Variants in ZNF385B observed in about 807,000 individuals in gnomAD.
ZNF385B encodes the protein zinc finger protein 533.
ZNF385B carries 23 observed loss-of-function variants against 39.2 expected under a neutral mutation model. That is an observed-to-expected ratio of 0.59 (90% CI 0.42 to 0.83). The LOEUF (loss-of-function observed/expected upper bound fraction) is 0.83, where lower values mean the gene tolerates loss of function less well. Ranked by LOEUF, ZNF385B falls within the 40% of genes least tolerant of loss-of-function variation. ZNF385B has a pLI of 0.00. For missense variants in ZNF385B, 552 were observed against 598.9 expected (o/e 0.92, Z 0.82); for synonymous variants, 205 against 222.6 (o/e 0.92, Z 0.70).
intron 3 of ZNF385B, among the ~76,000 whole-genome samples, chr2:179,597,742 T>C (rs907617941): frequency 2.6e-5 from 4 of 152,360 alleles, no homozygotes; most frequent in Middle Eastern, 3.4e-3. Context: ...ATATGAAATA[T>C]ATATTATGTT....
intron 3 of ZNF385B, among the ~76,000 whole-genome samples, chr2:179,703,050 GGAA>G (rs1232906529): frequency 1.3e-5 from 2 of 152,226 alleles, no homozygotes; most frequent in Non-Finnish European, 2.9e-5. Context: ...ACAGTAGCCA[GGAA>G]GATTCTGTTA....
intron 3 of ZNF385B, among the ~76,000 whole-genome samples, chr2:179,725,448 AAT>A (rs1011620395): frequency 2.0e-5 from 3 of 151,768 alleles, no homozygotes; most frequent in Non-Finnish European, 2.9e-5. Context: ...TATATTTATG[AAT>A]ATATATATAC....
At chr2:179,506,942 T>C (rs2057296827) in intron 5 of ZNF385B, among the ~76,000 whole-genome samples, 1 of 152,130 alleles carries the variant, frequency 6.6e-6, no homozygotes. Flanking sequence ...AGTTGAATCA[T>C]ATTCTCAGCC....
intron 3 of ZNF385B, among the ~76,000 whole-genome samples, chr2:179,686,339 G>C (rs1425815989): frequency 6.6e-6 from 1 of 152,156 alleles, no homozygotes; most frequent in Non-Finnish European, 1.5e-5. Context: ...TGAGCTTCTG[G>C]AGCACTCCAT....
chr2:179,806,461 C>G (rs1418755262), intron 1 of ZNF385B, among the ~76,000 whole-genome samples: 1 of 152,158 alleles, frequency 6.6e-6, no homozygotes, highest in African/African-American at 2.4e-5. Flanking sequence ...GAAGCCTAGG[C>G]TCCCCCAGTC....
At chr2:179,717,265 T>C (rs528372456) in intron 3 of ZNF385B, among the ~76,000 whole-genome samples, 1 of 152,306 alleles carries the variant, frequency 6.6e-6, no homozygotes, top group South Asian at 2.1e-4. Flanking sequence ...GGTAACAAAG[T>C]CAAACAAATA....
chr2:179,444,674 T>C (rs2049288727), intron 9 of ZNF385B, among the ~76,000 whole-genome samples: 1 of 152,202 alleles, frequency 6.6e-6, no homozygotes, highest in East Asian at 1.9e-4. Flanking sequence ...ATATTAGCTC[T>C]TAAAGAGGTT....
At chr2:179,492,324 A>C (rs993492759) in intron 5 of ZNF385B, among the ~76,000 whole-genome samples, 13 of 152,198 alleles carry the variant, frequency 8.5e-5, no homozygotes, top group Non-Finnish European at 2.9e-5. Context: ...ATGATAAGTA[A>C]TGCAATATAA....
intron 3 of ZNF385B, among the ~76,000 whole-genome samples, chr2:179,578,992 C>T (rs1448251803): frequency 6.6e-6 from 1 of 151,964 alleles, no homozygotes; most frequent in Non-Finnish European, 1.5e-5. Context: ...GAATGATGTG[C>T]AAAACAAATT....
intron 1 of ZNF385B, among the ~76,000 whole-genome samples, chr2:179,801,837 G>A (rs1255034639): frequency 6.6e-6 from 1 of 152,118 alleles, no homozygotes; most frequent in African/African-American, 2.4e-5. Flanking sequence ...ATTACAGAAT[G>A]TCTGACAGAA....
chr2:179,604,067 T>C (rs1688612763), intron 3 of ZNF385B, among the ~76,000 whole-genome samples: 1 of 152,182 alleles, frequency 6.6e-6, no homozygotes, highest in South Asian at 2.1e-4. Flanking sequence ...CTACTGCAGA[T>C]AATTTATTGG....
At chr2:179,735,875 A>C (rs1256066812) in intron 3 of ZNF385B, among the ~76,000 whole-genome samples, 1 of 114,242 alleles carries the variant, frequency 8.8e-6, no homozygotes, top group African/African-American at 3.4e-5. Context: ...CACTCTGGGG[A>C]CTGTTGTGGG....
At chr2:179,619,109 A>T (rs2106156435) in intron 3 of ZNF385B, among the ~76,000 whole-genome samples, 1 of 152,298 alleles carries the variant, frequency 6.6e-6, no homozygotes, top group East Asian at 1.9e-4. Context: ...TCACACTCAT[A>T]ATTACCACAA....
intron 3 of ZNF385B, among the ~76,000 whole-genome samples, chr2:179,765,547 G>A (rs565672639): frequency 3.3e-5 from 5 of 152,188 alleles, no homozygotes; most frequent in African/African-American, 7.2e-5. Context: ...CAGGAACTGT[G>A]AGGTATTTCT....
At chr2:179,516,688 T>C (rs1005767111) in intron 5 of ZNF385B, among the ~76,000 whole-genome samples, 1 of 152,112 alleles carries the variant, frequency 6.6e-6, no homozygotes, top group African/African-American at 2.4e-5. Flanking sequence ...TACTTTCTAG[T>C]AGTCTATAGC....
chr2:179,566,801 CCT>C (rs1211726345), intron 3 of ZNF385B, among the ~76,000 whole-genome samples: 18 of 152,108 alleles, frequency 1.2e-4, no homozygotes, highest in Admixed American at 1.2e-3. Flanking sequence ...TCCGAATCCC[CCT>C]GACAAATGCA....
intron 3 of ZNF385B, among the ~76,000 whole-genome samples, chr2:179,639,029 G>A (rs950298384): frequency 6.6e-6 from 1 of 151,876 alleles, no homozygotes; most frequent in African/African-American, 2.4e-5. Context: ...GACCAGCCTG[G>A]GCAACATGAC....
intron 3 of ZNF385B, among the ~76,000 whole-genome samples, chr2:179,675,893 T>A (rs1426765768): frequency 6.6e-6 from 1 of 151,874 alleles, no homozygotes; most frequent in Non-Finnish European, 1.5e-5. Context: ...GTTCAAGTGA[T>A]TCTCCTGCCT....
At chr2:179,649,540 A>C (rs1217810791) in intron 3 of ZNF385B, among the ~76,000 whole-genome samples, 1 of 152,224 alleles carries the variant, frequency 6.6e-6, no homozygotes, top group Non-Finnish European at 1.5e-5. Flanking sequence ...AAAATTTTAA[A>C]ATTATCTTAT....
Sources: gnomAD v4.1 joint callset for allele counts (sites outside exome capture counted in the v4.1 genomes callset) on GRCh38, gnomAD v4.1.1 for gene constraint, MANE v1.5 for transcripts, NCBI Gene and HGNC (gene_info 2026-07-23, HGNC 2026-07-21) for gene names.